DGKB: variants seen among roughly 807,000 people sequenced by gnomAD.
DGKB encodes the protein 90 kDa diacylglycerol kinase.
A neutral mutation model predicts 114.3 loss-of-function variants in DGKB; 67 were observed. That is an observed-to-expected ratio of 0.59 (90% CI 0.48 to 0.72). The LOEUF (loss-of-function observed/expected upper bound fraction) is 0.72. Among genes scored for constraint, DGKB ranks in the 30% least tolerant of loss-of-function variants. The pLI is 0.00. For missense variants in DGKB, 907 were observed against 975.2 expected, an observed-to-expected ratio of 0.93 and a Z score of 0.93; for synonymous variants, 398 against 323.1, an observed-to-expected ratio of 1.23 and a Z score of -2.49.
intron 21 of DGKB, among the ~76,000 whole-genome samples, chr7:14,397,903 G>T (rs1323156126): frequency 1.3e-5 from 2 of 151,970 alleles, no homozygotes; most frequent in Non-Finnish European, 2.9e-5. Context: ...TATTTTCAAG[G>T]AACTGGGAGT....
intron 23 of DGKB, among the ~76,000 whole-genome samples, chr7:14,256,829 C>T (rs1796033408): frequency 7.4e-6 from 1 of 134,888 alleles, no homozygotes; most frequent in Non-Finnish European, 1.7e-5. Flanking sequence ...GGCCAATAAG[C>T]TTCTCCTTGG....
At chr7:14,381,241 AG>A (rs1182870012) in intron 21 of DGKB, among the ~76,000 whole-genome samples, 13 of 152,148 alleles carry the variant, frequency 8.5e-5, no homozygotes, top group African/African-American at 2.9e-4. Flanking sequence ...CAAGTAGGTC[AG>A]GGTGATTTAA....
intron 6 of DGKB, among the ~76,000 whole-genome samples, chr7:14,711,890 C>T (rs79274823): frequency 0.026 from 3,947 of 152,080 alleles, 82 homozygotes; most frequent in South Asian, 0.049. Context: ...GCGAATATAC[C>T]GAATATTGAG....
chr7:14,666,884 A>T (rs1289564067), intron 13 of DGKB, among the ~76,000 whole-genome samples: 33 of 152,054 alleles, frequency 2.2e-4, no homozygotes, highest in Admixed American at 1.3e-4. Flanking sequence ...TAGTACTTTC[A>T]AAAGATACTG....
chr7:14,478,372 A>C, intron 20 of DGKB, 147 bp from the exon 21 acceptor site: 1 of 508,644 alleles, frequency 2.0e-6, no homozygotes, highest in Non-Finnish European at 3.5e-6. Flanking sequence ...ATTAGGCAAA[A>C]ATGTGTGATC....
At chr7:14,323,574 A>C (rs985195056) in intron 23 of DGKB, among the ~76,000 whole-genome samples, 89 of 152,302 alleles carry the variant, frequency 5.8e-4, no homozygotes, top group African/African-American at 2.0e-3. Flanking sequence ...GACCTGAAAG[A>C]AGCAAGTGAG....
At chr7:14,843,216 T>TAA (rs58201538) in intron 1 of DGKB, among the ~76,000 whole-genome samples, 1 of 125,896 alleles carries the variant, frequency 7.9e-6, no homozygotes. Flanking sequence ...GATTCTGTCT[T>TAA]AAAAAAAAAA....
chr7:14,841,236 G>C lies in DGKB; in HGVS notation c.28C>G (p.Leu10Val), dbSNP rs1247947752. The C allele has an allele frequency of 8.7e-6, 14 of 1,613,440 alleles. No individual in the cohort carries two copies. The highest frequency in any genetic ancestry group is 1.2e-5 in the Non-Finnish European group (14 of 1,179,710). MTNQEKWAH[L>V]SPSEFSQLQK... ...AGTTGGGAAAATTCCGAAGGGCTGA[G>C]GTGGGCCCATTTTTCCTGGTTTGTC... The change falls in exon 2 of 26, where the codon CTC becomes GTC. Residue 10 changes from leucine (L) to valine (V), a missense_variant. By Grantham distance (32) the Leu-to-Val change is conservative (BLOSUM62 1). Around this residue, in one of 3 missense-constraint regions of DGKB, gnomAD observed 814 missense variants for 856.6 expected, o/e 0.95. Coordinates refer to ENST00000402815, the MANE Select transcript of DGKB (RefSeq NM_001350709.2).
In DGKB at chr7:14,276,567, T is replaced by G. The variant is rs190300709; in HGVS notation, c.2122+61948A>C. Among the ~76,000 whole-genome samples, 1,381 of 152,176 alleles carry G rather than the reference T, an allele frequency of 9.1e-3. 17 individuals are homozygous for G. The highest frequency in any genetic ancestry group is 0.032 in the African/African-American group (1,314 of 41,540). On this transcript the variant is annotated intron_variant, in intron 23 of 25. Coordinates refer to ENST00000402815, the MANE Select transcript of DGKB (RefSeq NM_001350709.2). ...ACATTTTTGTAGACTATACATCATA[T>G]GCATGTTAGAAAAATTACTGGAATA...
chr7:14,254,595 A>G (rs1475077399), intron 23 of DGKB, among the ~76,000 whole-genome samples: 2 of 147,044 alleles, frequency 1.4e-5, no homozygotes, highest in African/African-American at 5.2e-5. Flanking sequence ...AACTGTTGTA[A>G]TATATATTGG....
At chr7:14,179,746 G>A (rs1782362736) in intron 23 of DGKB, among the ~76,000 whole-genome samples, 1 of 152,292 alleles carries the variant, frequency 6.6e-6, no homozygotes, top group Admixed American at 6.5e-5. Flanking sequence ...AAACTTTTAA[G>A]TGAATAATAA....
intron 13 of DGKB, among the ~76,000 whole-genome samples, chr7:14,653,776 C>G (rs1455348515): frequency 6.6e-6 from 1 of 151,936 alleles, no homozygotes; most frequent in Non-Finnish European, 1.5e-5. Flanking sequence ...AGGAAAAAGT[C>G]TTACGATCAT....
At chr7:14,678,516 C>T (rs1351250499) in intron 12 of DGKB, among the ~76,000 whole-genome samples, 1 of 151,960 alleles carries the variant, frequency 6.6e-6, no homozygotes, top group African/African-American at 2.4e-5. Flanking sequence ...CAGAAATACA[C>T]AGCTATGGCA....
chr7:14,720,240 A>G (rs1354237498), intron 5 of DGKB, among the ~76,000 whole-genome samples: 1 of 152,036 alleles, frequency 6.6e-6, no homozygotes, highest in Non-Finnish European at 1.5e-5. Context: ...CTAGCCACCA[A>G]TGGATCAAAA....
At chr7:14,709,691 T>A (rs1163035807) in intron 6 of DGKB, among the ~76,000 whole-genome samples, 1 of 146,432 alleles carries the variant, frequency 6.8e-6, no homozygotes. Flanking sequence ...TTGGAAATCA[T>A]CATTCTCAGT....
intron 1 of DGKB, among the ~76,000 whole-genome samples, chr7:14,974,321 G>C (rs933298207): frequency 1.3e-5 from 2 of 152,002 alleles, no homozygotes; most frequent in African/African-American, 4.8e-5. Flanking sequence ...AAACACATGA[G>C]AGACAAGTTA....
At chr7:14,592,361 T>G (rs1801850418) in intron 17 of DGKB, among the ~76,000 whole-genome samples, 1 of 151,966 alleles carries the variant, frequency 6.6e-6, no homozygotes, top group African/African-American at 2.4e-5. Context: ...AAGGTCTGCA[T>G]TTTGATTTAA....
At chr7:14,185,383 AAAC>A (rs1783254588) in intron 23 of DGKB, among the ~76,000 whole-genome samples, 2 of 152,212 alleles carry the variant, frequency 1.3e-5, no homozygotes, top group Admixed American at 1.3e-4. Flanking sequence ...GAACAAATGG[AAAC>A]ACATTCCATG....
chr7:14,584,091 G>A (rs564069906), intron 17 of DGKB, among the ~76,000 whole-genome samples: 186 of 152,244 alleles, frequency 1.2e-3, no homozygotes, highest in African/African-American at 4.4e-3. Context: ...TCATTAACTT[G>A]TGTGGTTTTA....
Sources: gnomAD v4.1 joint callset for allele counts (sites outside exome capture counted in the v4.1 genomes callset) on GRCh38, gnomAD v4.1.1 for gene constraint, gnomAD v4.1.1 regional missense constraint, MANE v1.5 for transcripts, NCBI Gene and HGNC (gene_info 2026-07-23, HGNC 2026-07-21) for gene names.